Variants in DNM3 observed in about 807,000 individuals in gnomAD.
DNM3 encodes the protein dynamin 3, also known as dynamin-3.
A neutral mutation model predicts 101.6 loss-of-function variants in DNM3; 47 were observed. That is an observed-to-expected ratio of 0.46 (90% CI 0.37 to 0.59). The LOEUF is 0.59. Among genes scored for constraint, DNM3 ranks in the 20% least tolerant of loss-of-function variants. DNM3 has a pLI of 0.00. For missense variants in DNM3, 849 were observed against 1,085.7 expected (o/e 0.78, Z 3.06); for synonymous variants, 385 against 387.9 (o/e 0.99, Z 0.09).
At chr1:172,264,663 T>C (rs1055512929) in intron 15 of DNM3, among the ~76,000 whole-genome samples, 1 of 152,204 alleles carries the variant, frequency 6.6e-6, no homozygotes, top group Non-Finnish European at 1.5e-5. Flanking sequence ...TGCATTGACT[T>C]GGAGCTAAGA....
intron 1 of DNM3, among the ~76,000 whole-genome samples, chr1:171,860,831 T>A (rs78415834): frequency 0.11 from 16,170 of 151,976 alleles, 1,098 homozygotes; most frequent in East Asian, 0.14. Flanking sequence ...AAAAAACGAC[T>A]CTCAAGTTTT....
At chr1:172,175,336 A>G (rs1053620921) in intron 14 of DNM3, among the ~76,000 whole-genome samples, 11 of 151,830 alleles carry the variant, frequency 7.2e-5, no homozygotes, top group Admixed American at 1.3e-4. Flanking sequence ...AGTGATTACA[A>G]GTAAACTGAT....
intron 17 of DNM3, among the ~76,000 whole-genome samples, chr1:172,348,441 C>T (rs866599956): frequency 1.5e-4 from 23 of 152,228 alleles, no homozygotes; most frequent in East Asian, 5.8e-4. Flanking sequence ...TGGAATTAGA[C>T]GGACTGCTGA....
chr1:172,254,529 A>C (rs1368087263), intron 15 of DNM3, among the ~76,000 whole-genome samples: 3 of 152,284 alleles, frequency 2.0e-5, no homozygotes, highest in Admixed American at 2.0e-4. Flanking sequence ...ATACAGTTAC[A>C]AATAAGAAAG....
intron 6 of DNM3, among the ~76,000 whole-genome samples, chr1:172,038,064 C>T (rs2049097137): frequency 6.6e-6 from 1 of 152,062 alleles, no homozygotes; most frequent in South Asian, 2.1e-4. Context: ...ACAGGGTCTT[C>T]CTGGATTTAA....
At chr1:172,037,806 C>T (rs1345002652) in intron 6 of DNM3, among the ~76,000 whole-genome samples, 1 of 152,136 alleles carries the variant, frequency 6.6e-6, no homozygotes, top group Non-Finnish European at 1.5e-5. Context: ...TAAGTTTCTG[C>T]CTCAGCTGAA....
intron 12 of DNM3, among the ~76,000 whole-genome samples, chr1:172,083,169 G>C (rs1231044189): frequency 6.6e-6 from 1 of 152,050 alleles, no homozygotes; most frequent in Non-Finnish European, 1.5e-5. Context: ...CACCTAAACT[G>C]TAACATACAT....
At chr1:172,045,220 G>A (rs1271825338) in intron 9 of DNM3, among the ~76,000 whole-genome samples, 1 of 152,148 alleles carries the variant, frequency 6.6e-6, no homozygotes, top group Non-Finnish European at 1.5e-5. Flanking sequence ...TTTAAAGTGA[G>A]ATTATTCTAA....
intron 2 of DNM3, among the ~76,000 whole-genome samples, chr1:171,958,652 T>TA (rs2043015645): frequency 6.6e-6 from 1 of 152,112 alleles, no homozygotes; most frequent in South Asian, 2.1e-4. Flanking sequence ...ATGGGCAGGA[T>TA]AGATGGAACA....
chr1:172,089,968 C>G (rs751515872), intron 12 of DNM3, among the ~76,000 whole-genome samples: 20 of 152,144 alleles, frequency 1.3e-4, no homozygotes, highest in Non-Finnish European at 2.6e-4. Context: ...TATAGCTGAG[C>G]GACTGAAGTC....
At chr1:172,100,456 T>C (rs1455172935) in intron 13 of DNM3, among the ~76,000 whole-genome samples, 1 of 152,196 alleles carries the variant, frequency 6.6e-6, no homozygotes, top group Non-Finnish European at 1.5e-5. Context: ...AGTCCAATGT[T>C]AAAAAGGTGA....
intron 1 of DNM3, among the ~76,000 whole-genome samples, chr1:171,908,763 C>A (rs553221771): frequency 3.0e-4 from 46 of 152,230 alleles, no homozygotes; most frequent in African/African-American, 1.0e-3. Flanking sequence ...CTATAATATT[C>A]TCTAATATGG....
intron 17 of DNM3, among the ~76,000 whole-genome samples, chr1:172,324,780 T>G (rs1352417791): frequency 1.3e-5 from 2 of 152,094 alleles, no homozygotes; most frequent in East Asian, 3.9e-4. Context: ...TGCATTGCAC[T>G]GAGTCTCTGT....
chr1:172,375,843 T>TAAA (rs10691234), intron 17 of DNM3, among the ~76,000 whole-genome samples: 22 of 141,202 alleles, frequency 1.6e-4, no homozygotes, highest in East Asian at 8.2e-4. Flanking sequence ...ACCCCATCTC[T>TAAA]AAAAAAAAAA....
intron 17 of DNM3, among the ~76,000 whole-genome samples, chr1:172,343,715 G>C (rs1189789501): frequency 2.0e-5 from 3 of 152,082 alleles, no homozygotes; most frequent in African/African-American, 7.2e-5. Context: ...GCAAGTCTGA[G>C]ATACAAAATA....
At chr1:172,290,654 CAAG>C (rs2063874739) in intron 15 of DNM3, among the ~76,000 whole-genome samples, 1 of 152,130 alleles carries the variant, frequency 6.6e-6, no homozygotes, top group African/African-American at 2.4e-5. Context: ...AGAAAACCAT[CAAG>C]AAGATGTTAT....
intron 14 of DNM3, among the ~76,000 whole-genome samples, chr1:172,165,526 C>G (rs1247643622): frequency 6.6e-6 from 1 of 151,998 alleles, no homozygotes; most frequent in Non-Finnish European, 1.5e-5. Flanking sequence ...AGCCTACCTT[C>G]CCAGCATTAT....
At chr1:172,071,774 G>A (rs2052215577) in intron 11 of DNM3, among the ~76,000 whole-genome samples, 1 of 150,644 alleles carries the variant, frequency 6.6e-6, no homozygotes, top group South Asian at 2.1e-4. Context: ...TGAAGCAGTG[G>A]ACTTTCTGGG....
At chr1:172,094,799 G>A (rs1302141349) in intron 13 of DNM3, among the ~76,000 whole-genome samples, 1 of 152,146 alleles carries the variant, frequency 6.6e-6, no homozygotes, top group Non-Finnish European at 1.5e-5. Context: ...TAGAAGCTAT[G>A]GAAATTGTTC....
Sources: gnomAD v4.1 joint callset for allele counts (sites outside exome capture counted in the v4.1 genomes callset) on GRCh38, gnomAD v4.1.1 for gene constraint, MANE v1.5 for transcripts, NCBI Gene and HGNC (gene_info 2026-07-23, HGNC 2026-07-21) for gene names.